RAPGEF2: variants seen among roughly 807,000 people sequenced by gnomAD.
The protein encoded by RAPGEF2 is Rap guanine nucleotide exchange factor 2.
A neutral mutation model predicts 186.7 loss-of-function variants in RAPGEF2; 54 were observed. That is an observed-to-expected ratio of 0.29 (90% CI 0.23 to 0.36). The LOEUF is 0.36. Ranked by LOEUF, RAPGEF2 falls within the 10% of genes least tolerant of loss-of-function variation. The probability of loss-of-function intolerance (pLI) is 1.00; values close to 1 mark genes in which losing one functional copy is unlikely to be tolerated. For missense variants in RAPGEF2, 1,532 were observed against 2,045.0 expected (o/e 0.75, Z 4.84); for synonymous variants, 712 against 705.9 (o/e 1.01, Z -0.14).
chr4:159,352,206 G>C (rs139661563), intron 26 of RAPGEF2, among the ~76,000 whole-genome samples: 1 of 152,124 alleles, frequency 6.6e-6, no homozygotes, highest in Non-Finnish European at 1.5e-5. Flanking sequence ...TATTCTTTTT[G>C]TTTATATGTT....
chr4:159,177,863 A>G (rs946306716), intron 1 of RAPGEF2, among the ~76,000 whole-genome samples: 3 of 152,206 alleles, frequency 2.0e-5, no homozygotes, highest in Non-Finnish European at 4.4e-5. Flanking sequence ...CAAAAGGATA[A>G]ATTTCATTTT....
intron 1 of RAPGEF2, among the ~76,000 whole-genome samples, chr4:159,104,523 A>AGAGAGAGAGAGAGAGAGAGAGAGAGAGG: frequency 8.1e-6 from 1 of 122,860 alleles, no homozygotes; most frequent in South Asian, 2.5e-4. Flanking sequence ...AGAGAGAGAG[A>AGAGAGAGAGAGAGAGAGAGAGAGAGAGG]GAGGGAGAGA....
chr4:159,332,797 T>C (rs1412887247), intron 17 of RAPGEF2, 100 bp downstream of exon 17: 1 of 1,381,052 alleles, frequency 7.2e-7, no homozygotes, highest in East Asian at 2.5e-5. Flanking sequence ...TGAAAACTGT[T>C]CTAGGTTTTT....
intron 1 of RAPGEF2, among the ~76,000 whole-genome samples, chr4:159,167,660 A>C (rs1745471325): frequency 1.3e-5 from 2 of 152,208 alleles, no homozygotes; most frequent in Admixed American, 1.3e-4. Flanking sequence ...CTTACTAGAA[A>C]GGACAATGAT....
intron 7 of RAPGEF2, among the ~76,000 whole-genome samples, chr4:159,259,433 TTTTTCC>T (rs920088768): frequency 9.2e-5 from 14 of 152,204 alleles, no homozygotes; most frequent in African/African-American, 3.1e-4. Flanking sequence ...AAGTTAAGTG[TTTTTCC>T]TTTTCTGACC....
chr4:159,198,376 T>C (rs1057467610), intron 3 of RAPGEF2, among the ~76,000 whole-genome samples: 15 of 125,484 alleles, frequency 1.2e-4, no homozygotes, highest in South Asian at 7.9e-4. Context: ...TTTTTCTTTC[T>C]TTCCTTCCTT....
intron 3 of RAPGEF2, among the ~76,000 whole-genome samples, chr4:159,203,887 G>A (rs543284208): frequency 4.7e-4 from 72 of 152,366 alleles, no homozygotes; most frequent in Admixed American, 8.5e-4. Context: ...CCATTTTGCA[G>A]TTGAGGAACT....
At chr4:159,354,542 A>G (rs1349115533) in intron 28 of RAPGEF2, among the ~76,000 whole-genome samples, 1 of 152,234 alleles carries the variant, frequency 6.6e-6, no homozygotes, top group Non-Finnish European at 1.5e-5. Flanking sequence ...ACGCTGTAGA[A>G]GGAGGGAGAG....
intron 2 of RAPGEF2, among the ~76,000 whole-genome samples, chr4:159,190,389 G>A (rs1579416859): frequency 1.3e-5 from 2 of 152,074 alleles, no homozygotes; most frequent in African/African-American, 4.8e-5. Context: ...GATAATGGTG[G>A]GATAATGATA....
chr4:159,131,519 A>ATTGTTTTT lies in RAPGEF2; in HGVS notation c.69+27290_69+27291insGTTTTTTT. On this transcript the variant is annotated intron_variant, in intron 1 of 29. Transcript: ENST00000691494. Reference sequence around the variant, plus strand: ...TGATATCTTTGTCTGATTAATTGCTATTTTTTTTTTTTTTTTTTTTTTTTT... The same window carrying ATTGTTTTT: ...TGATATCTTTGTCTGATTAATTGCTATTGTTTTTTTTTTTTTTTTTTTTTTTTTTTTTT... 1.2e-3 allele frequency among the ~76,000 whole-genome samples: 46 copies of ATTGTTTTT among 37,178 alleles called. 2 individuals carry two copies. The highest frequency in any genetic ancestry group is 2.2e-3 in the African/African-American group (18 of 8,304). 24.4% of individuals were successfully genotyped at this position (37,178 alleles called of 152,430 possible).
chr4:159,335,242 C>T (rs1453999646), intron 17 of RAPGEF2, among the ~76,000 whole-genome samples: 1 of 152,064 alleles, frequency 6.6e-6, no homozygotes, highest in Non-Finnish European at 1.5e-5. Flanking sequence ...CATGAGCTCC[C>T]AGAATTCAGA....
intron 7 of RAPGEF2, among the ~76,000 whole-genome samples, chr4:159,245,825 A>AC (rs202024922): frequency 0.018 from 2,792 of 152,194 alleles, 97 homozygotes; most frequent in African/African-American, 0.064. Flanking sequence ...TGTACAGAGA[A>AC]ATATTAGACT....
At position 159,353,750 on chromosome 4, in the gene RAPGEF2, C is replaced by A; in HGVS notation, c.4355C>A (p.Ser1452Ter). The change falls in exon 28 of 30, where the codon TCA becomes TAA. Residue 1452 changes from serine to a stop codon, truncating the protein, a stop_gained. Transcript: ENST00000691494. LOFTEE classifies it high-confidence loss of function. This position sits in a 1 kb window ranked among gnomAD's most constrained non-coding sequence, Gnocchi z 4.3. ...GGGGATCCTGCAGGTTTATGGGCATCAAGCAGCCATATGGACCAAATTATG... is the reference window on the plus strand; with the variant it reads ...GGGGATCCTGCAGGTTTATGGGCATAAAGCAGCCATATGGACCAAATTATG... ...YSGDPAGLWA[S>*]SSHMDQIMFS... 1 of 1,613,224 alleles carries A rather than the reference C, an allele frequency of 6.2e-7. No individual in the cohort carries two copies. The highest frequency in any genetic ancestry group is 1.1e-5 in the South Asian group (1 of 90,850).
Position 159,139,195 on chromosome 4 carries a change from A to G in RAPGEF2, c.69+34964A>G, listed in dbSNP as rs145089784. 4.8e-3 allele frequency among the ~76,000 whole-genome samples: 733 copies of G among 152,328 alleles called. 7 individuals are homozygous for G. The highest frequency in any genetic ancestry group is 0.016 in the African/African-American group (671 of 41,570). ...TGCAGAGATTGGTAAGGCATAGTGC[A>G]GGGAACTCACAGTCCAGTGAAAGCA... On this transcript the variant is annotated intron_variant, in intron 1 of 29. Transcript: ENST00000691494.
intron 6 of RAPGEF2, among the ~76,000 whole-genome samples, chr4:159,242,932 G>T (rs80125955): frequency 6.6e-6 from 1 of 151,908 alleles, no homozygotes; most frequent in Non-Finnish European, 1.5e-5. Context: ...TAGCGTTAAA[G>T]TTGGTTTGTT....
At chr4:159,125,212 C>A (rs1399635923) in intron 1 of RAPGEF2, among the ~76,000 whole-genome samples, 2 of 151,500 alleles carry the variant, frequency 1.3e-5, no homozygotes, top group African/African-American at 4.9e-5. Flanking sequence ...TCTGCACAAT[C>A]AATGAATCAA....
intron 11 of RAPGEF2, chr4:159,329,368 G>C (rs1398647293): frequency 6.6e-6 from 1 of 152,218 alleles, no homozygotes; most frequent in Non-Finnish European, 1.5e-5. Context: ...TTTCTAAAAT[G>C]GTGTTTCATC....
intron 7 of RAPGEF2, among the ~76,000 whole-genome samples, chr4:159,255,777 T>C (rs1021532869): frequency 2.6e-5 from 4 of 152,230 alleles, no homozygotes; most frequent in Non-Finnish European, 5.9e-5. Flanking sequence ...TAGTAGTTGA[T>C]TGGATTATTA....
chr4:159,335,733 G>T (rs1329613734), intron 17 of RAPGEF2, among the ~76,000 whole-genome samples: 1 of 151,854 alleles, frequency 6.6e-6, no homozygotes, highest in African/African-American at 2.4e-5. Flanking sequence ...TACTCGGAGA[G>T]GCTGAGGCAG....
Sources: gnomAD v4.1 joint callset for allele counts (sites outside exome capture counted in the v4.1 genomes callset) on GRCh38, gnomAD v4.1.1 for gene constraint, Gnocchi (gnomAD v3.1) non-coding constraint, MANE v1.5 for transcripts, NCBI Gene and HGNC (gene_info 2026-07-23, HGNC 2026-07-21) for gene names.